The following MC5R variants were observed in gnomAD, a reference collection of about 807,000 sequenced individuals.
MC5R encodes melanocortin receptor 5.
For missense variants in MC5R, 420 were observed against 431.4 expected, an observed-to-expected ratio of 0.97 and a Z score of 0.23; for synonymous variants, 167 against 164.4, an observed-to-expected ratio of 1.02 and a Z score of -0.12.
Position 13,826,326 on chromosome 18 carries a change from C to A in MC5R, c.561C>A (p.Ile187=). 1 of 1,614,202 alleles carries A rather than the reference C, an allele frequency of 6.2e-7. No homozygotes were observed. The highest frequency in any genetic ancestry group is 1.1e-5 in the South Asian group (1 of 91,084). The change falls in exon 2 of 2, where the codon ATC becomes ATA. Residue 187 remains isoleucine, a synonymous_variant. Transcript: ENST00000589410. ...TGTACTCAGAATCCACCTACGTCAT[C>A]CTGTGCCTCATCTCCATGTTCTTCG... ...FILYSESTYV[I]LCLISMFFAM... is the part of the protein sequence containing the mutation.
At chr18:13,824,619 A>G (rs1488303254) in intron 1 of MC5R, among the ~76,000 whole-genome samples, 2 of 151,998 alleles carry the variant, frequency 1.3e-5, no homozygotes, top group East Asian at 3.9e-4. Flanking sequence ...TGTACATTGT[A>G]CCTATTAAGT....
chr18:13,824,911 G>A (rs2044919087), intron 1 of MC5R, among the ~76,000 whole-genome samples: 1 of 152,110 alleles, frequency 6.6e-6, no homozygotes, highest in Non-Finnish European at 1.5e-5. Context: ...GGTATTGAGG[G>A]AAAAGCAGCA....
At position 13,826,185 on chromosome 18, in the gene MC5R, G is replaced by A. The variant is rs772066598; in HGVS notation, c.420G>A (p.Arg140=). Residue 140 remains arginine (R), a synonymous_variant, in exon 2 of 2, where the codon AGG becomes AGA. Coordinates refer to ENST00000589410, the MANE Select transcript of MC5R (RefSeq NM_005913.3). ...GCTTACTGGCCATTGCAGTGGATAG[G>A]TACGTCACCATCTTCTACGCCCTGC... ...MCSLLAIAVD[R]YVTIFYALRY... is the part of the protein sequence containing the mutation. The A allele has an allele frequency of 1.2e-6, 2 of 1,614,148 alleles. No homozygotes were observed. Among genetic ancestry groups the A allele is most frequent in the South Asian group, 1.1e-5 (1 of 91,084 alleles).
chr18:13,825,314 T>G (rs2044921034), intron 1 of MC5R, among the ~76,000 whole-genome samples: 1 of 152,068 alleles, frequency 6.6e-6, no homozygotes, highest in Non-Finnish European at 1.5e-5. Flanking sequence ...GGTGAGTGTC[T>G]CTCTAGTAAG....
In MC5R at chr18:13,826,387, A is replaced by G; in HGVS notation, c.622A>G (p.Met208Val). 6.2e-7 allele frequency: 1 copy of G among 1,614,008 alleles called. No homozygotes were observed. Among genetic ancestry groups the G allele is most frequent in the Non-Finnish European group, 8.5e-7 (1 of 1,180,010 alleles). The change falls in exon 2 of 2, where the codon ATG becomes GTG. Residue 208 changes from methionine (M) to valine (V), a missense_variant. Met to Val is a conservative substitution (Grantham distance 21, BLOSUM62 1). Coordinates refer to ENST00000589410, the MANE Select transcript of MC5R (RefSeq NM_005913.3). ...CCTCCTGGTGTCTCTGTACATACAC[A>G]TGTTCCTCCTGGCGCGGACTCACGT... Reference protein sequence around the residue: ...LFLLVSLYIHMFLLARTHVKR... With the variant: ...LFLLVSLYIHVFLLARTHVKR...
At chr18:13,824,381 A>T in intron 1 of MC5R, 107 bp downstream of exon 1, 1 of 152,274 alleles carries the variant, frequency 6.6e-6, no homozygotes, top group East Asian at 1.9e-4. Flanking sequence ...TTGCCCCGTG[A>T]GTTTTTAACA....
Position 13,826,299 on chromosome 18 carries a change from C to G in MC5R, c.534C>G (p.Ile178Met). The change falls in exon 2 of 2, where the codon ATC becomes ATG. Residue 178 changes from isoleucine (I) to methionine (M), a missense_variant. By Grantham distance (10) the Ile-to-Met change is conservative. Coordinates refer to ENST00000589410, the MANE Select transcript of MC5R (RefSeq NM_005913.3). ...GCACGGGCTGCGGCATTGTCTTCAT[C>G]CTGTACTCAGAATCCACCTACGTCA... is the stretch of plus-strand genomic sequence containing the variant. Reference protein sequence around the residue: ...AFCTGCGIVFILYSESTYVIL... With the variant: ...AFCTGCGIVFMLYSESTYVIL... 6.2e-7 allele frequency: 1 copy of G among 1,614,172 alleles called. No homozygotes were observed. The highest frequency in any genetic ancestry group is 1.1e-5 in the South Asian group (1 of 91,084).
Position 13,826,623 on chromosome 18 carries a change from T to A in MC5R, c.858T>A (p.Cys286Ter). Residue 286 changes from cysteine (C) to a stop codon, truncating the protein, a stop_gained, in exon 2 of 2, where the codon TGT (cysteine) becomes TGA (stop). Coordinates refer to ENST00000589410, the MANE Select transcript of MC5R (RefSeq NM_005913.3). LOFTEE classifies it low-confidence loss of function (END_TRUNC). ...ATATGTACCTCATACTCATCATGTG[T>A]AATTCCGTGATGGACCCTCTCATAT... ...HFNMYLILIM[C>*]NSVMDPLIYA... 6.2e-7 allele frequency: 1 copy of A among 1,614,148 alleles called. No homozygotes were observed. Among genetic ancestry groups the A allele is most frequent in the Non-Finnish European group, 8.5e-7 (1 of 1,180,028 alleles).
chr18:13,827,007 G>A lies in MC5R; in HGVS notation c.*264G>A. On this transcript the variant is annotated 3_prime_UTR_variant, in exon 2 of 2. Transcript: ENST00000589410. Reference sequence around the variant, plus strand: ...TCTACTGCTCCCACCCATTTCTGGGGGCCCCATCCACCCTCCACCTAGCAG... The same window carrying A: ...TCTACTGCTCCCACCCATTTCTGGGAGCCCCATCCACCCTCCACCTAGCAG... The A allele has an allele frequency of 5.1e-6, 2 of 394,730 alleles. No homozygotes were observed. Among genetic ancestry groups the A allele is most frequent in the Non-Finnish European group, 4.5e-6 (1 of 221,722 alleles). The allele number at this position is 394,730 out of a possible 1,614,324, so 24.5% of individuals were successfully genotyped here. A position where few individuals can be genotyped will look rare whatever the true frequency, so the allele number is the denominator to read the frequency against.
chr18:13,825,590 G>A, intron 1 of MC5R, 137 bp from the exon 2 acceptor site: 1 of 461,476 alleles, frequency 2.2e-6, no homozygotes, highest in Non-Finnish European at 3.7e-6. Flanking sequence ...AAAGGACTGA[G>A]TGAGCCGAGC....
At position 13,826,900 on chromosome 18, in the gene MC5R, T is replaced by C; in HGVS notation, c.*157T>C. On this transcript the variant is annotated 3_prime_UTR_variant, in exon 2 of 2. Coordinates refer to ENST00000589410, the MANE Select transcript of MC5R (RefSeq NM_005913.3). ...GCTCTCTCTGTTCAGTTCCTGGTGATTATGTCCAACATGCAAGGGTTGCTT... is the reference window on the plus strand; with the variant it reads ...GCTCTCTCTGTTCAGTTCCTGGTGACTATGTCCAACATGCAAGGGTTGCTT... 1.4e-6 allele frequency: 1 copy of C among 723,340 alleles called. No homozygotes were observed. The highest frequency in any genetic ancestry group is 1.8e-5 in the African/African-American group (1 of 56,560). 44.8% of individuals were successfully genotyped at this position (723,340 alleles called of 1,614,324 possible).
rs757044818 is a variant in MC5R, at chr18:13,826,381, A to C, written c.616A>C (p.Ile206Leu). The C allele has an allele frequency of 1.2e-6, 2 of 1,613,958 alleles. No homozygotes were observed. Among genetic ancestry groups the C allele is most frequent in the African/African-American group, 1.3e-5 (1 of 74,888 alleles). ...AMLFLLVSLYIHMFLLARTHV... is the reference protein window; with the variant it reads ...AMLFLLVSLYLHMFLLARTHV... Reference sequence around the variant, plus strand: ...GCTGTTCCTCCTGGTGTCTCTGTACATACACATGTTCCTCCTGGCGCGGAC... The same window carrying C: ...GCTGTTCCTCCTGGTGTCTCTGTACCTACACATGTTCCTCCTGGCGCGGAC... The change falls in exon 2 of 2, where the codon ATA becomes CTA. Residue 206 changes from isoleucine to leucine, a missense_variant. By Grantham distance (5) the Ile-to-Leu change is conservative. Transcript: ENST00000589410.
rs771007823 is a variant in MC5R, at chr18:13,826,423, G to A, written c.658G>A (p.Ala220Thr). ...LLARTHVKRIAALPGASSARQ... is the reference protein window; with the variant it reads ...LLARTHVKRITALPGASSARQ... ...GGCGCGGACTCACGTCAAGCGGATC[G>A]CGGCTCTGCCCGGGGCCAGCTCTGC... Residue 220 changes from alanine (A) to threonine (T), a missense_variant, in exon 2 of 2, where the codon GCG becomes ACG. Transcript: ENST00000589410. 2.2e-5 allele frequency: 35 copies of A among 1,613,812 alleles called. No homozygotes were observed. The highest frequency in any genetic ancestry group is 1.6e-4 in the Middle Eastern group (1 of 6,084).
Position 13,826,825 on chromosome 18 carries a change from G to T in MC5R, c.*82G>T, listed in dbSNP as rs1378694294. The T allele has an allele frequency of 8.2e-6, 12 of 1,461,222 alleles. No homozygotes were observed. Among genetic ancestry groups the T allele is most frequent in the Non-Finnish European group, 1.0e-5 (11 of 1,097,028 alleles). The allele number at this position is 1,461,222 out of a possible 1,614,324, so 90.5% of individuals were successfully genotyped here. ...AGCGACAGCCAAGGGGTAGGCGGGA[G>T]TGCTAGCATCCCATTTTTCTCTTTA... On this transcript the variant is annotated 3_prime_UTR_variant, in exon 2 of 2. Transcript: ENST00000589410.
Position 13,826,645 on chromosome 18 carries a change from A to G in MC5R, c.880A>G (p.Ile294Val). 1.2e-6 allele frequency: 2 copies of G among 1,613,998 alleles called. No homozygotes were observed. The highest frequency in any genetic ancestry group is 1.1e-5 in the South Asian group (1 of 91,076). ...IMCNSVMDPL[I>V]YAFRSQEMRK... ...GTGTAATTCCGTGATGGACCCTCTCATATATGCCTTCCGCAGCCAAGAGAT... is the reference window on the plus strand; with the variant it reads ...GTGTAATTCCGTGATGGACCCTCTCGTATATGCCTTCCGCAGCCAAGAGAT... Residue 294 changes from isoleucine (I) to valine (V), a missense_variant, in exon 2 of 2, where the codon ATA (isoleucine) becomes GTA (valine). Coordinates refer to ENST00000589410, the MANE Select transcript of MC5R (RefSeq NM_005913.3).
chr18:13,826,339 T>A lies in MC5R; in HGVS notation c.574T>A (p.Ser192Thr). ...ESTYVILCLI[S>T]MFFAMLFLLV... Reference sequence around the variant, plus strand: ...CACCTACGTCATCCTGTGCCTCATCTCCATGTTCTTCGCTATGCTGTTCCT... The same window carrying A: ...CACCTACGTCATCCTGTGCCTCATCACCATGTTCTTCGCTATGCTGTTCCT... Residue 192 changes from serine to threonine, a missense_variant, in exon 2 of 2, where the codon TCC (serine) becomes ACC (threonine). Transcript: ENST00000589410. The A allele has an allele frequency of 6.2e-7, 1 of 1,614,140 alleles. No homozygotes were observed. Among genetic ancestry groups the A allele is most frequent in the Non-Finnish European group, 8.5e-7 (1 of 1,180,024 alleles).
At chr18:13,825,394 G>A (rs1292780785) in intron 1 of MC5R, 2 of 177,200 alleles carry the variant, frequency 1.1e-5, no homozygotes, top group South Asian at 3.5e-4. Flanking sequence ...TAATCTGCGT[G>A]TCCAGGGGCA....
chr18:13,824,854 A>G (rs75948178), intron 1 of MC5R, among the ~76,000 whole-genome samples: 123 of 152,216 alleles, frequency 8.1e-4, no homozygotes, highest in Non-Finnish European at 1.5e-3. Context: ...TAAACTATCA[A>G]GCAGACCTCA....
Position 13,824,168 on chromosome 18 carries a change from T to TG in MC5R, c.-141dup, listed in dbSNP as rs2044913601. 6.6e-6 allele frequency: 1 copy of TG among 151,570 alleles called. No homozygotes were observed. The highest frequency in any genetic ancestry group is 2.1e-4 in the South Asian group (1 of 4,808). 9.4% of individuals were successfully genotyped at this position (151,570 alleles called of 1,614,324 possible). A position where few individuals can be genotyped will look rare whatever the true frequency, so the allele number is the denominator to read the frequency against. On this transcript the variant is annotated 5_prime_UTR_variant, in exon 1 of 2. Transcript: ENST00000589410. ...CCCCGCAGAGCCGCAGCCGCCTAGC[T>TG]GGGGGAGAGGCCCGTCCGGGGCTGG...
Sources: gnomAD v4.1 joint callset for allele counts (sites outside exome capture counted in the v4.1 genomes callset) on GRCh38, gnomAD v4.1.1 for gene constraint, MANE v1.5 for transcripts, NCBI Gene and HGNC (gene_info 2026-07-23, HGNC 2026-07-21) for gene names.